DNAJC1: variants seen among roughly 807,000 people sequenced by gnomAD.
DNAJC1 encodes DnaJ heat shock protein family (Hsp40) member C1, also known as dnaJ homolog subfamily C member 1.
In DNAJC1, 58 loss-of-function variants were observed where a neutral mutation model predicts 76.6. The ratio of observed to expected loss-of-function variants is 0.76; its 90% CI spans 0.61 to 0.94. DNAJC1 has a LOEUF of 0.94. Among genes scored for constraint, DNAJC1 ranks in the 40% least tolerant of loss-of-function variants. The probability of loss-of-function intolerance (pLI) is 0.00; values close to 1 mark genes in which losing one functional copy is unlikely to be tolerated. For missense variants in DNAJC1, 689 were observed against 677.3 expected (o/e 1.02, Z -0.19); for synonymous variants, 258 against 267.9 (o/e 0.96, Z 0.36).
At chr10:21,832,151 T>A (rs1324116083) in intron 8 of DNAJC1, among the ~76,000 whole-genome samples, 3 of 152,206 alleles carry the variant, frequency 2.0e-5, no homozygotes, top group Non-Finnish European at 4.4e-5. Flanking sequence ...CAGTCTAGAT[T>A]TCATAACTGC....
At chr10:21,917,396 T>G (rs1836974431) in intron 6 of DNAJC1, among the ~76,000 whole-genome samples, 1 of 152,092 alleles carries the variant, frequency 6.6e-6, no homozygotes, top group South Asian at 2.1e-4. Context: ...TACAAAGAAG[T>G]GTTTAATATT....
chr10:21,963,799 T>C (rs1253543888), intron 1 of DNAJC1, among the ~76,000 whole-genome samples: 2 of 152,252 alleles, frequency 1.3e-5, no homozygotes, highest in African/African-American at 2.4e-5. Context: ...TTTATTGATA[T>C]ACATGAATTT....
intron 7 of DNAJC1, among the ~76,000 whole-genome samples, chr10:21,889,868 G>A (rs912155515): frequency 6.6e-6 from 1 of 152,186 alleles, no homozygotes; most frequent in Admixed American, 6.5e-5. Context: ...AAGACAGAAA[G>A]TAGTGTTACC....
At chr10:21,828,114 G>A (rs556091348) in intron 8 of DNAJC1, among the ~76,000 whole-genome samples, 1 of 152,234 alleles carries the variant, frequency 6.6e-6, no homozygotes, top group South Asian at 2.1e-4. Context: ...TTTTGACTTT[G>A]CCAGATGTAT....
At chr10:21,828,600 T>C (rs1835302977) in intron 8 of DNAJC1, among the ~76,000 whole-genome samples, 1 of 152,210 alleles carries the variant, frequency 6.6e-6, no homozygotes, top group Non-Finnish European at 1.5e-5. Context: ...AATAACATAA[T>C]AAATCCTCAT....
At chr10:21,800,796 C>G (rs1282726383) in intron 9 of DNAJC1, among the ~76,000 whole-genome samples, 6 of 152,248 alleles carry the variant, frequency 3.9e-5, no homozygotes, top group African/African-American at 1.4e-4. Flanking sequence ...ACAGAGATCT[C>G]TTTAAAATTA....
At position 21,908,658 on chromosome 10, in the gene DNAJC1, C is replaced by T. The variant is rs118033485; in HGVS notation, c.730-4046G>A. Reference sequence around the variant, plus strand: ...CCATCCTTATAGCCCTAGTACACTGCCTGGCACTTACAGAAGCTTAATAAA... The same window carrying T: ...CCATCCTTATAGCCCTAGTACACTGTCTGGCACTTACAGAAGCTTAATAAA... On this transcript the variant is annotated intron_variant, in intron 6 of 11. Transcript: ENST00000376980. Among the ~76,000 whole-genome samples, 1,244 of 152,070 alleles carry T rather than the reference C, an allele frequency of 8.2e-3. 3 individuals are homozygous for T. Among genetic ancestry groups the T allele is most frequent in the Non-Finnish European group, 0.014 (918 of 67,990 alleles).
At chr10:21,800,060 C>T (rs769505610) in intron 9 of DNAJC1, among the ~76,000 whole-genome samples, 2 of 152,204 alleles carry the variant, frequency 1.3e-5, no homozygotes, top group South Asian at 4.1e-4. Flanking sequence ...TTTTGAGAGA[C>T]TCTTACAAAG....
At chr10:21,879,642 T>A (rs1836240385) in intron 8 of DNAJC1, among the ~76,000 whole-genome samples, 1 of 152,046 alleles carries the variant, frequency 6.6e-6, no homozygotes, top group Admixed American at 6.6e-5. Flanking sequence ...AATAATAATT[T>A]AAAAAAATGT....
In DNAJC1 at chr10:21,759,563, T is replaced by G; in HGVS notation, c.1203A>C (p.Lys401Asn). 6.2e-7 allele frequency: 1 copy of G among 1,614,042 alleles called. No homozygotes were observed. Among genetic ancestry groups the G allele is most frequent in the Non-Finnish European group, 8.5e-7 (1 of 1,180,004 alleles). Residue 401 changes from lysine (K) to asparagine (N), a missense_variant, in exon 11 of 12, where the codon AAA becomes AAC. By Grantham distance (94) the Lys-to-Asn change is moderately conservative (BLOSUM62 0). Transcript: ENST00000376980. ...KSTVQNSRPI[K>N]TATTLPDDMI... is the part of the protein sequence containing the mutation. ...TGTCATCGGGCAAGGTGGTGGCCGT[T>G]TTGATGGGCCTGGAATTCTGAACTG...
In DNAJC1 at chr10:21,950,042, C is replaced by CT. The variant is rs987144976; in HGVS notation, c.223-20902dup. On this transcript the variant is annotated intron_variant, in intron 1 of 11. Transcript: ENST00000376980. ...AAAAATATGTAGTCATCCACAGAAT[C>CT]TTTTTTTTTTTTGAGACAGGGTCTC... Among the ~76,000 whole-genome samples the CT allele has an allele frequency of 5.3e-3, 761 of 142,866 alleles. 3 individuals carry two copies. The highest frequency in any genetic ancestry group is 0.016 in the African/African-American group (645 of 39,126). 93.7% of individuals were successfully genotyped at this position (142,866 alleles called of 152,430 possible).
chr10:21,829,075 G>T (rs578252396), intron 8 of DNAJC1, among the ~76,000 whole-genome samples: 2 of 152,010 alleles, frequency 1.3e-5, no homozygotes, highest in African/African-American at 4.8e-5. Flanking sequence ...TATGTTCCAG[G>T]CCTGGAGTGC....
chr10:21,792,511 C>T (rs920736230), intron 9 of DNAJC1, among the ~76,000 whole-genome samples: 3 of 152,078 alleles, frequency 2.0e-5, no homozygotes, highest in Admixed American at 2.0e-4. Flanking sequence ...AATCCCAGCA[C>T]TTTGGGAGGC....
intron 9 of DNAJC1, among the ~76,000 whole-genome samples, chr10:21,766,952 G>A (rs948615314): frequency 1.4e-5 from 2 of 147,530 alleles, no homozygotes; most frequent in Non-Finnish European, 3.0e-5. Flanking sequence ...CCTGGGCATC[G>A]GAGTGAGACC....
At chr10:21,786,939 A>G (rs1268296469) in intron 9 of DNAJC1, among the ~76,000 whole-genome samples, 1 of 152,216 alleles carries the variant, frequency 6.6e-6, no homozygotes, top group Non-Finnish European at 1.5e-5. Flanking sequence ...TATGTAATAA[A>G]TAATATTAAC....
intron 3 of DNAJC1, among the ~76,000 whole-genome samples, 161 bp downstream of exon 3, chr10:21,928,345 T>C (rs1837163380): frequency 6.6e-6 from 1 of 152,156 alleles, no homozygotes; most frequent in African/African-American, 2.4e-5. Context: ...TCAATAAAAT[T>C]AACTCTGCTT....
At chr10:21,888,953 C>T (rs1836413524) in intron 7 of DNAJC1, among the ~76,000 whole-genome samples, 1 of 151,834 alleles carries the variant, frequency 6.6e-6, no homozygotes, top group Admixed American at 6.6e-5. Flanking sequence ...TTCCCCTGAA[C>T]CTGAAAGTTT....
At chr10:21,959,431 C>A (rs11012836) in intron 1 of DNAJC1, among the ~76,000 whole-genome samples, 1 of 152,038 alleles carries the variant, frequency 6.6e-6, no homozygotes, top group Non-Finnish European at 1.5e-5. Context: ...CCCAGCCACA[C>A]TGAACATATT....
At chr10:21,938,047 C>A (rs546468720) in intron 1 of DNAJC1, among the ~76,000 whole-genome samples, 1 of 151,912 alleles carries the variant, frequency 6.6e-6, no homozygotes, top group Non-Finnish European at 1.5e-5. Flanking sequence ...ATGTTTGAGA[C>A]TAAAATAGGA....
Sources: allele counts gnomAD v4.1 joint callset (sites outside exome capture counted in the v4.1 genomes callset), GRCh38; gene constraint gnomAD v4.1.1; transcripts MANE v1.5; gene names NCBI Gene and HGNC (gene_info 2026-07-23, HGNC 2026-07-21).